Variants in MAPK10 observed in about 807,000 individuals in gnomAD.
The protein encoded by MAPK10 is mitogen-activated protein kinase 10, also known as JNK3 alpha protein kinase.
In MAPK10, 25 loss-of-function variants were observed where a neutral mutation model predicts 59.3. That is an observed-to-expected ratio of 0.42 (90% confidence interval 0.31 to 0.59). The LOEUF (loss-of-function observed/expected upper bound fraction) is 0.59. MAPK10 is among the 20% of genes least tolerant of loss of function. The pLI, the probability that MAPK10 is intolerant of heterozygous loss-of-function variation, is 0.15. For missense variants in MAPK10, 351 were observed against 568.9 expected (o/e 0.62, Z 3.90); for synonymous variants, 190 against 200.5 (o/e 0.95, Z 0.44).
intron 2 of MAPK10, among the ~76,000 whole-genome samples, chr4:86,295,072 C>T (rs1048615806): frequency 6.6e-6 from 1 of 152,132 alleles, no homozygotes; most frequent in Non-Finnish European, 1.5e-5. Context: ...TCTGCACCTG[C>T]CAAAATACAG....
intron 1 of MAPK10, among the ~76,000 whole-genome samples, chr4:86,388,733 A>G (rs1741821557): frequency 6.6e-6 from 1 of 152,180 alleles, no homozygotes; most frequent in African/African-American, 2.4e-5. Flanking sequence ...TATAGCATAA[A>G]CATACATATA....
At chr4:86,507,681 T>G (rs112758762) in intron 1 of MAPK10, among the ~76,000 whole-genome samples, 3,943 of 111,334 alleles carry the variant, frequency 0.035, 151 homozygotes, top group Middle Eastern at 0.042. Flanking sequence ...TAAAATCATG[T>G]GTAAATTCCC....
chr4:86,406,314 T>C (rs1011022211), intron 1 of MAPK10, among the ~76,000 whole-genome samples: 1 of 152,164 alleles, frequency 6.6e-6, no homozygotes, highest in Admixed American at 6.5e-5. Flanking sequence ...ACGCTGGAAT[T>C]GAGACCAGTT....
At chr4:86,318,970 G>A (rs2095841125) in intron 2 of MAPK10, among the ~76,000 whole-genome samples, 1 of 152,188 alleles carries the variant, frequency 6.6e-6, no homozygotes, top group African/African-American at 2.4e-5. Context: ...GAAAGGCGGA[G>A]TTTTCTATGT....
chr4:86,327,880 G>A (rs1486069339), intron 2 of MAPK10, among the ~76,000 whole-genome samples: 2 of 150,970 alleles, frequency 1.3e-5, no homozygotes, highest in African/African-American at 4.9e-5. Context: ...AACCCAGGAG[G>A]TGGAGGTTGC....
chr4:86,123,592 G>A (rs1048173689), intron 4 of MAPK10: 16 of 151,916 alleles, frequency 1.1e-4, no homozygotes, highest in African/African-American at 3.9e-4. Context: ...CAGCATGAGA[G>A]GGCACTACCG....
At chr4:86,405,674 A>G (rs1479955817) in intron 1 of MAPK10, among the ~76,000 whole-genome samples, 1 of 152,174 alleles carries the variant, frequency 6.6e-6, no homozygotes, top group African/African-American at 2.4e-5. Flanking sequence ...TGAGCATCGT[A>G]TTTTTCACAG....
intron 1 of MAPK10, among the ~76,000 whole-genome samples, chr4:86,412,850 C>T (rs1197969889): frequency 6.6e-6 from 1 of 152,170 alleles, no homozygotes; most frequent in Non-Finnish European, 1.5e-5. Flanking sequence ...TTAGAACATG[C>T]TCCTTTAGCT....
chr4:86,030,691 C>T (rs945413296), intron 12 of MAPK10, among the ~76,000 whole-genome samples: 2 of 152,058 alleles, frequency 1.3e-5, no homozygotes, highest in Admixed American at 1.3e-4. Flanking sequence ...TCCTCTTAGT[C>T]CTTTATCTGA....
chr4:86,240,933 T>C (rs903208319), intron 2 of MAPK10, among the ~76,000 whole-genome samples: 13 of 152,290 alleles, frequency 8.5e-5, no homozygotes, highest in African/African-American at 3.1e-4. Context: ...CATAGTGTCA[T>C]TGGTCTTTAT....
intron 3 of MAPK10, among the ~76,000 whole-genome samples, chr4:86,190,109 G>A (rs971494950): frequency 1.3e-5 from 2 of 152,126 alleles, no homozygotes; most frequent in African/African-American, 4.8e-5. Flanking sequence ...ACTTGGTCAA[G>A]GTAGATAAGC....
chr4:86,161,662 T>C (rs1022398888), intron 3 of MAPK10, among the ~76,000 whole-genome samples: 2 of 152,128 alleles, frequency 1.3e-5, no homozygotes, highest in Admixed American at 1.3e-4. Flanking sequence ...ATTCTGTTTC[T>C]GACCACACAC....
At chr4:86,389,661 C>A (rs1387790776) in intron 1 of MAPK10, among the ~76,000 whole-genome samples, 1 of 152,100 alleles carries the variant, frequency 6.6e-6, no homozygotes, top group East Asian at 1.9e-4. Flanking sequence ...GTGTTTTGTG[C>A]AATTTTATAA....
chr4:86,534,398 C>G (rs571117907), intron 1 of MAPK10, among the ~76,000 whole-genome samples: 2 of 152,024 alleles, frequency 1.3e-5, no homozygotes, highest in African/African-American at 4.8e-5. Context: ...TGTGTTATCA[C>G]AGGTTGGATT....
intron 2 of MAPK10, among the ~76,000 whole-genome samples, chr4:86,241,067 A>G (rs1009572000): frequency 1.3e-5 from 2 of 152,098 alleles, no homozygotes; most frequent in African/African-American, 4.8e-5. Context: ...CTTGTCTGGA[A>G]AGGATTTTAT....
chr4:86,542,796 G>A (rs1374481140), intron 1 of MAPK10, among the ~76,000 whole-genome samples: 1 of 152,136 alleles, frequency 6.6e-6, no homozygotes, highest in African/African-American at 2.4e-5. Context: ...TTGCTTTTGA[G>A]ACTGAAACAT....
Position 86,428,476 on chromosome 4 carries a change from T to C in MAPK10, c.-122+24554A>G, listed in dbSNP as rs1288132730. Among the ~76,000 whole-genome samples, 3 of 152,136 alleles carry C rather than the reference T, an allele frequency of 2.0e-5. No homozygotes were observed. The South Asian group carries it at 6.2e-4, about 31-fold the overall frequency. On this transcript the variant is annotated intron_variant, in intron 1 of 13. Coordinates refer to the MAPK10 transcript ENST00000361569. ...ACCTGGCCGTCAAAGTTACTTTCTT[T>C]ATATAGGGTTAAAACAGAGGGGACT... is the stretch of plus-strand genomic sequence containing the variant.
At chr4:86,153,857 C>T (rs2067052218) in intron 4 of MAPK10, among the ~76,000 whole-genome samples, 1 of 152,030 alleles carries the variant, frequency 6.6e-6, no homozygotes, top group Non-Finnish European at 1.5e-5. Context: ...ATATAAAAGA[C>T]AGTATTTTGA....
In MAPK10 at chr4:86,559,901, T is replaced by C. The variant is rs1260537327; in HGVS notation, c.-263+34009A>G. On this transcript the variant is annotated intron_variant, in intron 1 of 4. Coordinates refer to the MAPK10 transcript ENST00000502302. The stretch of plus-strand genomic sequence containing the variant: ...TTGCAGTGAGCCGAGATTGCAACAC[T>C]GCACTCCAGCCTGGCAACAGAGCAA... 2.0e-5 allele frequency among the ~76,000 whole-genome samples: 3 copies of C among 146,846 alleles called. No individual in the cohort carries two copies. The East Asian group carries it at 6.0e-4, about 30-fold the overall frequency.
Sources: allele counts gnomAD v4.1 joint callset (sites outside exome capture counted in the v4.1 genomes callset), GRCh38; gene constraint gnomAD v4.1.1; transcripts MANE v1.5; gene names NCBI Gene and HGNC (gene_info 2026-07-23, HGNC 2026-07-21).